DOCK7: variants seen among roughly 807,000 people sequenced by gnomAD.
DOCK7 encodes the protein dedicator of cytokinesis 7, also known as dedicator of cytokinesis protein 7.
In DOCK7, 138 loss-of-function variants were observed where a neutral mutation model predicts 271.0. The observed-to-expected ratio is 0.51, with a 90% confidence interval of 0.44 to 0.59. The LOEUF (loss-of-function observed/expected upper bound fraction) is 0.59, where lower values mean the gene tolerates loss of function less well. Ranked by LOEUF, DOCK7 falls within the 20% of genes least tolerant of loss-of-function variation. The pLI is 0.00. For synonymous variants in DOCK7, 823 were observed against 876.1 expected (o/e 0.94, Z 1.07); for missense variants, 2,066 against 2,592.4 (o/e 0.80, Z 4.41).
Position 62,559,100 on chromosome 1 carries a change from T to C in DOCK7, c.2320A>G (p.Ile774Val). ...NNLENELKSS[I>V]SALNSSQLEP... ...AGCTGGGATGAATTCAGTGCTGAAA[T>C]ACTGCTCTTCAATTCATTTTCTAAG... is the stretch of plus-strand genomic sequence containing the variant. Residue 774 changes from isoleucine (I) to valine (V), a missense_variant, in exon 20 of 50, where the codon ATT becomes GTT. Ile to Val is a conservative substitution (Grantham distance 29). Coordinates refer to ENST00000635253, the MANE Select transcript of DOCK7 (RefSeq NM_001367561.1). The C allele has an allele frequency of 6.2e-7, 1 of 1,613,940 alleles. No individual in the cohort carries two copies. Among genetic ancestry groups the C allele is most frequent in the Non-Finnish European group, 8.5e-7 (1 of 1,179,936 alleles).
intron 25 of DOCK7, among the ~76,000 whole-genome samples, chr1:62,540,898 G>T (rs1350767341): frequency 6.6e-6 from 1 of 151,920 alleles, no homozygotes; most frequent in Non-Finnish European, 1.5e-5. Context: ...CATGAATTAC[G>T]AATTTAAGGT....
In DOCK7 at chr1:62,631,254, T is replaced by C. The variant is rs1383002941; in HGVS notation, c.1268A>G (p.Glu423Gly). The C allele has an allele frequency of 6.2e-7, 1 of 1,604,992 alleles. No homozygotes were observed. Among genetic ancestry groups the C allele is most frequent in the East Asian group, 2.2e-5 (1 of 44,736 alleles). The change falls in exon 11 of 50, where the codon GAA becomes GGA. Residue 423 changes from glutamate to glycine, a missense_variant. Physicochemically the swap from Glu to Gly is moderately conservative, Grantham distance 98. Transcript: ENST00000635253. ...GSLERDSTEV[E>G]ISTGERKGSW... ...AACACTCTTACCTCCAGTACTGATT[T>C]CTACTTCTGTAGAATCTCTTTCCAA...
chr1:62,477,565 A>C lies in DOCK7; in HGVS notation c.5634+135T>G. On this transcript the variant is annotated intron_variant, in intron 44 of 49. Transcript: ENST00000635253. ...AAAGAGTATTATTGTAACTATTAAA[A>C]GTCCTTATTCTCTAACGGAGTAGTT... 3.5e-6 allele frequency: 3 copies of C among 859,900 alleles called. No individual in the cohort carries two copies. The Admixed American group carries it at 9.0e-5, about 26-fold the overall frequency. 53.3% of individuals were successfully genotyped at this position (859,900 alleles called of 1,614,324 possible).
chr1:62,543,688 G>T lies in DOCK7; in HGVS notation c.2917C>A (p.Gln973Lys). The change falls in exon 24 of 50, where the codon CAA (glutamine) becomes AAA (lysine). Residue 973 changes from glutamine to lysine, a missense_variant. This residue lies in a region of DOCK7 where 1,414 missense variants were observed against 1,670.4 expected (regional missense o/e 0.85). Coordinates refer to ENST00000635253, the MANE Select transcript of DOCK7 (RefSeq NM_001367561.1). Reference protein sequence around the residue: ...SSHTETSSFLQTLTGRLPTKK... With the variant: ...SSHTETSSFLKTLTGRLPTKK... Reference sequence around the variant, plus strand: ...GTTGGTAAGCGTCCCGTTAATGTTTGTAAGAAACTTGACGTCTCTGTGTGC... The same window carrying T: ...GTTGGTAAGCGTCCCGTTAATGTTTTTAAGAAACTTGACGTCTCTGTGTGC... The T allele has an allele frequency of 6.2e-7, 1 of 1,604,746 alleles. No homozygotes were observed. The highest frequency in any genetic ancestry group is 8.5e-7 in the Non-Finnish European group (1 of 1,173,198).
chr1:62,531,197 A>G, intron 29 of DOCK7, among the ~76,000 whole-genome samples: 1 of 152,086 alleles, frequency 6.6e-6, no homozygotes, highest in East Asian at 1.9e-4. Context: ...CTCCTCTTTG[A>G]CTTTCTGTAT....
At position 62,513,791 on chromosome 1, in the gene DOCK7, A is replaced by G; in HGVS notation, c.4044T>C (p.Phe1348=). 6.2e-7 allele frequency: 1 copy of G among 1,614,204 alleles called. No homozygotes were observed. Among genetic ancestry groups the G allele is most frequent in the Non-Finnish European group, 8.5e-7 (1 of 1,180,020 alleles). ...NADETVLQKW[F]TDLSVLQLNR... is the part of the protein sequence containing the mutation. Reference sequence around the variant, plus strand: ...TTAGCTGCAAGACTGAGAGATCTGTAAACCACTTCTGTAGAACTGTTTCAT... The same window carrying G: ...TTAGCTGCAAGACTGAGAGATCTGTGAACCACTTCTGTAGAACTGTTTCAT... The change falls in exon 32 of 50, where the codon TTT becomes TTC. Residue 1348 remains phenylalanine (F), a synonymous_variant. Transcript: ENST00000635253.
chr1:62,470,558 G>A (rs1645801752), intron 48 of DOCK7, among the ~76,000 whole-genome samples: 1 of 152,142 alleles, frequency 6.6e-6, no homozygotes, highest in African/African-American at 2.4e-5. Context: ...CACTTTGGGA[G>A]GCCGACTCAG....
chr1:62,470,997 C>T (rs374798245), intron 48 of DOCK7, among the ~76,000 whole-genome samples: 14 of 152,248 alleles, frequency 9.2e-5, no homozygotes, highest in East Asian at 5.8e-4. Flanking sequence ...TATCCTCCTC[C>T]GTAGACTCCT....
At chr1:62,549,206 T>C (rs1333290391) in intron 22 of DOCK7, among the ~76,000 whole-genome samples, 1 of 152,074 alleles carries the variant, frequency 6.6e-6, no homozygotes, top group Non-Finnish European at 1.5e-5. Flanking sequence ...AATAAATGAA[T>C]AAATCACAGA....
intron 1 of DOCK7, 34 bp from the exon 2 acceptor site, chr1:62,663,164 TG>T: frequency 1.4e-6 from 2 of 1,429,286 alleles, no homozygotes; most frequent in Non-Finnish European, 9.6e-7. Flanking sequence ...TACGCATTAT[TG>T]AAAAAAAAAA....
intron 31 of DOCK7, among the ~76,000 whole-genome samples, chr1:62,523,071 G>T (rs929104256): frequency 8.6e-5 from 13 of 152,018 alleles, no homozygotes; most frequent in African/African-American, 3.1e-4. Flanking sequence ...ACAATGGGGG[G>T]ATTTGTGTTC....
At chr1:62,637,245 C>G (rs773762654) in intron 7 of DOCK7, among the ~76,000 whole-genome samples, 6 of 152,162 alleles carry the variant, frequency 3.9e-5, no homozygotes, top group South Asian at 4.2e-4. Flanking sequence ...TAGTAATTCC[C>G]ATTATATGAA....
chr1:62,468,474 G>A (rs956340601), intron 48 of DOCK7, among the ~76,000 whole-genome samples: 1 of 151,580 alleles, frequency 6.6e-6, no homozygotes, highest in Non-Finnish European at 1.5e-5. Context: ...ATGGGGAAAA[G>A]CTGAAAGTAT....
intron 39 of DOCK7, 66 bp from the exon 40 acceptor site, chr1:62,494,533 C>A: frequency 6.8e-7 from 1 of 1,463,198 alleles, no homozygotes; most frequent in Non-Finnish European, 9.3e-7. Context: ...GTTTAGATAG[C>A]TCGCTCAGAG....
At chr1:62,456,106 C>G (rs925461702) in intron 49 of DOCK7, among the ~76,000 whole-genome samples, 14 of 152,082 alleles carry the variant, frequency 9.2e-5, no homozygotes, top group Admixed American at 8.5e-4. Flanking sequence ...CACATCTCAA[C>G]CTGTAGAAAT....
At chr1:62,677,386 TG>T (rs1033615774) in intron 1 of DOCK7, among the ~76,000 whole-genome samples, 1 of 152,154 alleles carries the variant, frequency 6.6e-6, no homozygotes, top group African/African-American at 2.4e-5. Context: ...GATTTGAGCC[TG>T]GGGCTGTCAA....
chr1:62,543,379 CATTT>C, intron 24 of DOCK7: 1 of 244,318 alleles, frequency 4.1e-6, no homozygotes, highest in Non-Finnish European at 7.9e-6. Flanking sequence ...AGAGTTGATA[CATTT>C]TTTTGGTACT....
At chr1:62,557,292 GATCT>G (rs376659590) in intron 20 of DOCK7, among the ~76,000 whole-genome samples, 300 of 151,200 alleles carry the variant, frequency 2.0e-3, no homozygotes, top group African/African-American at 6.9e-3. Flanking sequence ...ATGTAAGAGT[GATCT>G]ATCTATCACC....
intron 18 of DOCK7, among the ~76,000 whole-genome samples, chr1:62,567,329 A>T (rs1646552426): frequency 6.6e-6 from 1 of 152,256 alleles, no homozygotes; most frequent in Admixed American, 6.5e-5. Context: ...TGGAGAAAGA[A>T]AATGTGGCAC....
Sources: gnomAD v4.1 joint callset for allele counts (sites outside exome capture counted in the v4.1 genomes callset) on GRCh38, gnomAD v4.1.1 for gene constraint, gnomAD v4.1.1 regional missense constraint, MANE v1.5 for transcripts, NCBI Gene and HGNC (gene_info 2026-07-23, HGNC 2026-07-21) for gene names.